Variants in BCL9L observed in about 807,000 individuals in gnomAD.
The protein encoded by BCL9L is B-cell CLL/lymphoma 9-like protein.
In BCL9L, 19 loss-of-function variants were observed where a neutral mutation model predicts 99.4. That is an observed-to-expected ratio of 0.19 (90% CI 0.13 to 0.28). BCL9L has a LOEUF of 0.28. Among genes scored for constraint, BCL9L ranks in the 10% least tolerant of loss-of-function variants. The pLI is 1.00. For synonymous variants in BCL9L, 900 were observed against 854.8 expected (o/e 1.05, Z -0.92); for missense variants, 2,023 against 2,101.6 (o/e 0.96, Z 0.73).
Position 118,900,143 on chromosome 11 carries a change from A to C in BCL9L, c.3180T>G (p.Pro1060=). ...GGCTGGGGTTCATGAGGCCGCTGGGAGGGTTGGCGGGAGGTGCTGAGGAGC... is the reference window on the plus strand; with the variant it reads ...GGCTGGGGTTCATGAGGCCGCTGGGCGGGTTGGCGGGAGGTGCTGAGGAGC... ...RSSSSAPPAN[P]PSGLMNPSLP... is the part of the protein sequence containing the mutation. Residue 1060 remains proline, a synonymous_variant, in exon 9 of 10, where the codon CCT becomes CCG. Coordinates refer to ENST00000683865, the MANE Select transcript of BCL9L (RefSeq NM_001378213.1). The surrounding 1 kb of genome is among the most constrained non-coding windows in gnomAD (Gnocchi z 5.3). 1 of 1,611,702 alleles carries C rather than the reference A, an allele frequency of 6.2e-7. No homozygotes were observed. Among genetic ancestry groups the C allele is most frequent in the South Asian group, 1.1e-5 (1 of 90,992 alleles).
intron 1 of BCL9L, among the ~76,000 whole-genome samples, chr11:118,920,508 G>A (rs1167211624): frequency 2.0e-5 from 3 of 152,160 alleles, no homozygotes; most frequent in Non-Finnish European, 4.4e-5. Context: ...AGCTGGAGAA[G>A]TCAACTTTTC....
chr11:118,913,024 G>A (rs1465277084), intron 2 of BCL9L, among the ~76,000 whole-genome samples: 2 of 152,138 alleles, frequency 1.3e-5, no homozygotes, highest in East Asian at 3.9e-4. Context: ...GACTCAGCGG[G>A]CAGGGAGGTC....
In BCL9L at chr11:118,898,784, G is replaced by A. The variant is rs970697686; in HGVS notation, c.4131C>T (p.Leu1377=). 8 of 1,613,734 alleles carry A rather than the reference G, an allele frequency of 5.0e-6. No individual in the cohort carries two copies. Among genetic ancestry groups the A allele is most frequent in the Middle Eastern group, 3.3e-4 (2 of 6,084 alleles). The change falls in exon 10 of 10, where the codon CTC becomes CTT. Residue 1377 remains leucine, a synonymous_variant. Transcript: ENST00000683865. ...CCCGCTGGACGCCCTGCTGGCCTGGGAGGTTGGGAGGCCGAGAGGGAGTCT... is the reference window on the plus strand; with the variant it reads ...CCCGCTGGACGCCCTGCTGGCCTGGAAGGTTGGGAGGCCGAGAGGGAGTCT... ...AEQTPSRPPN[L]PGQQGVQRGL...
chr11:118,923,298 C>T (rs1941195917), intron 1 of BCL9L, among the ~76,000 whole-genome samples: 1 of 152,160 alleles, frequency 6.6e-6, no homozygotes, highest in Non-Finnish European at 1.5e-5. Context: ...CACTGCCACC[C>T]CCTAGGCCCC....
In BCL9L at chr11:118,900,058, T is replaced by A; in HGVS notation, c.3265A>T (p.Thr1089Ser). ...PSQNPLSLMM[T>S]QMSKYAMPSS... ...GGCATGGCGTACTTGGACATCTGGG[T>A]CATCATCAGTGACAGGGGGTTCTGG... Residue 1089 changes from threonine (T) to serine (S), a missense_variant, in exon 9 of 10, where the codon ACC becomes TCC. Physicochemically the swap from Thr to Ser is moderately conservative, Grantham distance 58. Coordinates refer to ENST00000683865, the MANE Select transcript of BCL9L (RefSeq NM_001378213.1). The surrounding 1 kb of genome is among the most constrained non-coding windows in gnomAD (Gnocchi z 5.3). The A allele has an allele frequency of 6.2e-7, 1 of 1,613,660 alleles. No homozygotes were observed. The highest frequency in any genetic ancestry group is 8.5e-7 in the Non-Finnish European group (1 of 1,179,896).
In BCL9L at chr11:118,902,360, C is replaced by A. The variant is rs1184310178; in HGVS notation, c.1383G>T (p.Gly461=). The change falls in exon 8 of 10, where the codon GGG becomes GGT. Residue 461 remains glycine (G), a synonymous_variant. Coordinates refer to ENST00000683865, the MANE Select transcript of BCL9L (RefSeq NM_001378213.1). The surrounding 1 kb of genome is among the most constrained non-coding windows in gnomAD (Gnocchi z 7.8). ...GCAAGGGTTCCTCATATTTCTTCAG[C>A]CCGCTGGGAGGGGCCGTGGGTGGCT... ...PQQPPTAPPS[G]LKKYEEPLQS... 6.5e-7 allele frequency: 1 copy of A among 1,536,798 alleles called. No individual in the cohort carries two copies. Among genetic ancestry groups the A allele is most frequent in the Admixed American group, 2.1e-5 (1 of 48,476 alleles).
intron 2 of BCL9L, 48 bp downstream of exon 2, chr11:118,918,778 A>C (rs1414206667): frequency 6.6e-6 from 1 of 152,098 alleles, no homozygotes; most frequent in Non-Finnish European, 1.5e-5. Context: ...CCGCGGACAG[A>C]AATCAGGGAG....
At chr11:118,920,943 G>A (rs1941119793) in intron 1 of BCL9L, among the ~76,000 whole-genome samples, 2 of 152,168 alleles carry the variant, frequency 1.3e-5, no homozygotes. Context: ...AGGGAGGAGA[G>A]AGGAGGGAAG....
chr11:118,900,774 C>A lies in BCL9L; in HGVS notation c.2969G>T (p.Gly990Val), dbSNP rs1385322094. The A allele has an allele frequency of 1.2e-6, 2 of 1,613,898 alleles. No homozygotes were observed. Among genetic ancestry groups the A allele is most frequent in the Non-Finnish European group, 8.5e-7 (1 of 1,179,926 alleles). Reference sequence around the variant, plus strand: ...AGGAGACTTGAGCCTGCTGGGCGAGCCAGTGGGTGAACGGACACTGAGGGA... The same window carrying A: ...AGGAGACTTGAGCCTGCTGGGCGAGACAGTGGGTGAACGGACACTGAGGGA... ...GSSLSVRSPTGSPSRLKSPSM... is the reference protein window; with the variant it reads ...GSSLSVRSPTVSPSRLKSPSM... The change falls in exon 8 of 10, where the codon GGC becomes GTC. Residue 990 changes from glycine (G) to valine (V), a missense_variant. Around this residue, in one of 3 missense-constraint regions of BCL9L, gnomAD observed 902 missense variants for 888.2 expected, o/e 1.02. Coordinates refer to ENST00000683865, the MANE Select transcript of BCL9L (RefSeq NM_001378213.1). The surrounding 1 kb of genome is among the most constrained non-coding windows in gnomAD (Gnocchi z 5.3).
chr11:118,901,993 T>C lies in BCL9L; in HGVS notation c.1750A>G (p.Met584Val), dbSNP rs1940267081. ...AGCTGCATGGGATCTTGAACATCCA[T>C]GGGCCCCCGCAGCTGCGCACCCATT... The part of the protein sequence containing the change: ...PGMGAQLRGP[M>V]DVQDPMQLRG... The change falls in exon 8 of 10, where the codon ATG becomes GTG. Residue 584 changes from methionine (M) to valine (V), a missense_variant. Around this residue, in one of 3 missense-constraint regions of BCL9L, gnomAD observed 1,116 missense variants for 1,194.6 expected, o/e 0.93. Coordinates refer to ENST00000683865, the MANE Select transcript of BCL9L (RefSeq NM_001378213.1). The surrounding 1 kb of genome is among the most constrained non-coding windows in gnomAD (Gnocchi z 6.6). The C allele has an allele frequency of 1.2e-6, 2 of 1,613,296 alleles. No individual in the cohort carries two copies. The highest frequency in any genetic ancestry group is 2.2e-5 in the East Asian group (1 of 44,866).
intron 3 of BCL9L, among the ~76,000 whole-genome samples, chr11:118,909,474 G>A (rs941785596): frequency 6.6e-6 from 1 of 152,174 alleles, no homozygotes; most frequent in Non-Finnish European, 1.5e-5. Context: ...CAGCTCTGCT[G>A]TCCTGCTGCT....
chr11:118,905,619 C>T (rs572657226), intron 5 of BCL9L, among the ~76,000 whole-genome samples: 1 of 148,274 alleles, frequency 6.7e-6, no homozygotes, highest in African/African-American at 2.5e-5. Flanking sequence ...GAGTTCAGGA[C>T]CGGTCTGGCC....
At position 118,903,422 on chromosome 11, in the gene BCL9L, G is replaced by A. The variant is rs1940377587; in HGVS notation, c.563C>T (p.Ala188Val). The change falls in exon 6 of 10, where the codon GCC becomes GTC. Residue 188 changes from alanine (A) to valine (V), a missense_variant. Ala to Val is a moderately conservative substitution (Grantham distance 64, BLOSUM62 0). This residue lies in a region of BCL9L where 1,116 missense variants were observed against 1,194.6 expected (regional missense o/e 0.93). Transcript: ENST00000683865. This position sits in a 1 kb window ranked among gnomAD's most constrained non-coding sequence, Gnocchi z 5.6. ...NCNVADPAMA[A>V]PQLGPGQTTQ... ...GGTTTGGCCGGGACCCAGCTGTGGG[G>A]CCGCCATGGCTGGGTCTGCTACATT... 1.2e-6 allele frequency: 2 copies of A among 1,612,998 alleles called. No individual in the cohort carries two copies. Among genetic ancestry groups the A allele is most frequent in the African/African-American group, 1.3e-5 (1 of 74,912 alleles).
intron 2 of BCL9L, chr11:118,910,692 C>CG (rs1044491402): frequency 6.5e-6 from 1 of 154,446 alleles, no homozygotes; most frequent in African/African-American, 2.4e-5. Context: ...AGGCAGCGAG[C>CG]GGGAGGCGGA....
At chr11:118,924,321 C>CCAGACA (rs55715016) in intron 1 of BCL9L, among the ~76,000 whole-genome samples, 21,328 of 150,090 alleles carry the variant, frequency 0.14, 1,910 homozygotes, top group African/African-American at 0.24. Flanking sequence ...AGAGGTTCCC[C>CCAGACA]CAGACACAGA....
chr11:118,908,178 G>C, intron 4 of BCL9L, 92 bp downstream of exon 4: 2 of 1,476,700 alleles, frequency 1.4e-6, no homozygotes, highest in South Asian at 2.8e-5. Context: ...ATGAGGACTG[G>C]ACAAGCAGGG....
At position 118,897,079 on chromosome 11, in the gene BCL9L, G is replaced by GT. The variant is rs1939947676; in HGVS notation, c.*1335dup. Reference sequence around the variant, plus strand: ...CCTGGGCAGAGGGACAACCTTGCCGGTGAGTGGGCAGGCAGAGAGGAGGCG... The same window carrying GT: ...CCTGGGCAGAGGGACAACCTTGCCGGTTGAGTGGGCAGGCAGAGAGGAGGCG... On this transcript the variant is annotated 3_prime_UTR_variant, in exon 10 of 10. Transcript: ENST00000683865. 1 of 153,692 alleles carries GT rather than the reference G, an allele frequency of 6.5e-6. No homozygotes were observed. The highest frequency in any genetic ancestry group is 2.4e-5 in the African/African-American group (1 of 41,450). The allele number at this position is 153,692 out of a possible 1,614,324, so 9.5% of individuals were successfully genotyped here.
chr11:118,906,498 C>T (rs539921841), intron 5 of BCL9L, among the ~76,000 whole-genome samples: 4 of 152,166 alleles, frequency 2.6e-5, no homozygotes, highest in Non-Finnish European at 5.9e-5. Flanking sequence ...CTCTCTCCTC[C>T]TCTGTAATTG....
intron 4 of BCL9L, 39 bp from the exon 5 acceptor site, chr11:118,907,641 G>C (rs1459959096): frequency 3.1e-6 from 5 of 1,603,802 alleles, no homozygotes; most frequent in Non-Finnish European, 3.4e-6. Context: ...AGTGCCTAGA[G>C]GCCCCATTAT....
Sources: allele counts gnomAD v4.1 joint callset (sites outside exome capture counted in the v4.1 genomes callset), GRCh38; gene constraint gnomAD v4.1.1; regional missense constraint gnomAD v4.1.1; non-coding constraint Gnocchi (gnomAD v3.1); transcripts MANE v1.5; gene names NCBI Gene and HGNC (gene_info 2026-07-23, HGNC 2026-07-21).